Variants in SP140 observed in about 807,000 individuals in gnomAD.
SP140 encodes the protein SP140 nuclear body protein, also known as nuclear body protein SP140.
SP140 carries 81 observed loss-of-function variants against 125.0 expected under a neutral mutation model. That is an observed-to-expected ratio of 0.65 (90% CI 0.54 to 0.78). SP140 has a LOEUF of 0.78. Ranked by LOEUF, SP140 falls within the 30% of genes least tolerant of loss-of-function variation. The pLI, the probability that SP140 is intolerant of heterozygous loss-of-function variation, is 0.00. For synonymous variants in SP140, 312 were observed against 354.0 expected, an observed-to-expected ratio of 0.88 and a Z score of 1.33; for missense variants, 858 against 1,037.0, an observed-to-expected ratio of 0.83 and a Z score of 2.37.
intron 15 of SP140, among the ~76,000 whole-genome samples, chr2:230,273,168 T>A (rs1352125468): frequency 6.6e-6 from 1 of 152,146 alleles, no homozygotes; most frequent in African/African-American, 2.4e-5. Flanking sequence ...ACTTACAGAA[T>A]GGGAGAAAAT....
intron 1 of SP140, among the ~76,000 whole-genome samples, chr2:230,204,102 C>A (rs1463551125): frequency 6.6e-6 from 1 of 152,064 alleles, no homozygotes; most frequent in African/African-American, 2.4e-5. Flanking sequence ...TTTAAAAAAC[C>A]TGAAAAATTT....
chr2:230,307,482 T>A (rs568453300), intron 22 of SP140, among the ~76,000 whole-genome samples: 29 of 152,290 alleles, frequency 1.9e-4, no homozygotes, highest in African/African-American at 6.7e-4. Flanking sequence ...GTGACTCCCT[T>A]TTGGAGGCTC....
At chr2:230,283,827 G>A (rs1026824319) in intron 15 of SP140, among the ~76,000 whole-genome samples, 3 of 152,196 alleles carry the variant, frequency 2.0e-5, no homozygotes, top group African/African-American at 7.2e-5. Flanking sequence ...GCAGCCTGAA[G>A]GAGGGCTGAC....
At position 230,308,493 on chromosome 2, in the gene SP140, G is replaced by A. The variant is rs79199544; in HGVS notation, c.2059-1431G>A. Among the ~76,000 whole-genome samples the A allele has an allele frequency of 3.0e-3, 452 of 152,316 alleles. 2 individuals are homozygous for A. Among genetic ancestry groups the A allele is most frequent in the African/African-American group, 0.01 (430 of 41,558 alleles). ...GTGGAACACACAGCATCTGACACTG[G>A]ACAGATGAGATTGACAGCAGTGTAT... is the stretch of plus-strand genomic sequence containing the variant. On this transcript the variant is annotated intron_variant, in intron 22 of 26. Transcript: ENST00000392045.
intron 3 of SP140, 29 bp downstream of exon 3, chr2:230,238,410 G>T (rs758455720): frequency 6.3e-7 from 1 of 1,575,732 alleles, no homozygotes; most frequent in Non-Finnish European, 8.6e-7. Flanking sequence ...AGCTTTGGGG[G>T]ATTCAAGCCC....
At chr2:230,289,287 T>A (rs952284295) in intron 18 of SP140, among the ~76,000 whole-genome samples, 1 of 152,258 alleles carries the variant, frequency 6.6e-6, no homozygotes, top group African/African-American at 2.4e-5. Context: ...TCTGTTCATA[T>A]CCTTTGCCCA....
intron 15 of SP140, among the ~76,000 whole-genome samples, chr2:230,284,006 T>G (rs1359705296): frequency 6.6e-6 from 1 of 152,204 alleles, no homozygotes; most frequent in Non-Finnish European, 1.5e-5. Context: ...GTCCTCTCAT[T>G]GCACATTTGA....
intron 13 of SP140, 67 bp from the exon 14 acceptor site, chr2:230,269,770 C>G: frequency 7.7e-7 from 1 of 1,291,792 alleles, no homozygotes; most frequent in Non-Finnish European, 1.1e-6. Flanking sequence ...GGGGGAGCAA[C>G]AAGGGTGCAG....
chr2:230,242,036 T>C (rs1040856095), intron 4 of SP140, among the ~76,000 whole-genome samples: 4 of 152,054 alleles, frequency 2.6e-5, no homozygotes, highest in African/African-American at 9.7e-5. Flanking sequence ...GAAATAGTGT[T>C]GGCAGATAGA....
chr2:230,206,529 T>C (rs1158174118), intron 1 of SP140, among the ~76,000 whole-genome samples: 1 of 147,736 alleles, frequency 6.8e-6, no homozygotes, highest in East Asian at 2.0e-4. Flanking sequence ...AATACCTTTA[T>C]TTTATTGATA....
chr2:230,266,004 C>T (rs951789967), intron 12 of SP140, among the ~76,000 whole-genome samples: 1 of 152,070 alleles, frequency 6.6e-6, no homozygotes, highest in African/African-American at 2.4e-5. Flanking sequence ...ATTTTAAAAT[C>T]GTGAAGATCT....
chr2:230,261,629 G>A (rs192085185), intron 12 of SP140, among the ~76,000 whole-genome samples: 1 of 152,192 alleles, frequency 6.6e-6, no homozygotes, highest in Non-Finnish European at 1.5e-5. Flanking sequence ...TATGTCTCTT[G>A]TATGCTGATT....
intron 4 of SP140, among the ~76,000 whole-genome samples, chr2:230,241,960 G>A: frequency 6.6e-6 from 1 of 152,194 alleles, no homozygotes; most frequent in East Asian, 1.9e-4. Flanking sequence ...CACAGTCCAA[G>A]AGGGGAGTTT....
intron 12 of SP140, among the ~76,000 whole-genome samples, chr2:230,257,684 T>C (rs996036302): frequency 6.6e-6 from 1 of 152,184 alleles, no homozygotes; most frequent in African/African-American, 2.4e-5. Context: ...AGAGAGTTGC[T>C]TGAACCCGGG....
intron 15 of SP140, among the ~76,000 whole-genome samples, chr2:230,277,552 A>G (rs989553077): frequency 1.3e-5 from 2 of 152,162 alleles, no homozygotes; most frequent in Non-Finnish European, 2.9e-5. Flanking sequence ...ATATGCCTGT[A>G]TCTTTATCCC....
chr2:230,255,521 G>A lies in SP140; in HGVS notation c.1229G>A (p.Arg410Lys), dbSNP rs751498456. Residue 410 changes from arginine (R) to lysine (K), a missense_variant, in exon 12 of 27, where the codon AGA becomes AAA. Arg to Lys is a conservative substitution (Grantham distance 26). Transcript: ENST00000392045. ...CAGGAAGCCTCTAGCTCCCTAGCAA[G>A]ACGTGGGTCAGGTAAGGACGGGGGG... ...ERQEASSSLA[R>K]RGSVSSELEN... The A allele has an allele frequency of 1.3e-6, 2 of 1,594,132 alleles. No homozygotes were observed. The highest frequency in any genetic ancestry group is 2.2e-5 in the South Asian group (2 of 89,886).
chr2:230,222,428 A>T (rs1246559401), upstream of SP140, among the ~76,000 whole-genome samples: 1 of 152,174 alleles, frequency 6.6e-6, no homozygotes, highest in Non-Finnish European at 1.5e-5. Context: ...CAAGATGTAG[A>T]CCATTTCTAG....
upstream of SP140, among the ~76,000 whole-genome samples, chr2:230,221,553 T>A (rs902356288): frequency 3.9e-5 from 6 of 152,098 alleles, no homozygotes; most frequent in Non-Finnish European, 8.8e-5. Flanking sequence ...AACAGAGGCA[T>A]GGAAGCCACA....
chr2:230,289,587 G>C (rs1431224620), intron 18 of SP140, among the ~76,000 whole-genome samples: 3 of 152,156 alleles, frequency 2.0e-5, no homozygotes, highest in East Asian at 3.9e-4. Flanking sequence ...CAATTCTCCT[G>C]ACTTAGCCTC....
Sources: allele counts gnomAD v4.1 joint callset (sites outside exome capture counted in the v4.1 genomes callset), GRCh38; gene constraint gnomAD v4.1.1; transcripts MANE v1.5; gene names NCBI Gene and HGNC (gene_info 2026-07-23, HGNC 2026-07-21).